Variants in PCDHGA1 observed in about 807,000 individuals in gnomAD.
PCDHGA1 encodes protocadherin gamma-A1.
In PCDHGA1, 32 loss-of-function variants were observed where a neutral mutation model predicts 58.0. The ratio of observed to expected loss-of-function variants is 0.55; its 90% confidence interval spans 0.42 to 0.74. The LOEUF (loss-of-function observed/expected upper bound fraction) is 0.74, where lower values mean the gene tolerates loss of function less well. Ranked by LOEUF, PCDHGA1 falls within the 30% of genes least tolerant of loss-of-function variation. The probability of loss-of-function intolerance (pLI) is 0.00; values close to 1 mark genes in which losing one functional copy is unlikely to be tolerated. For synonymous variants in PCDHGA1, 498 were observed against 501.1 expected (o/e 0.99, Z 0.08); for missense variants, 1,205 against 1,182.3 (o/e 1.02, Z -0.28).
chr5:141,420,004 G>C (rs768411058), intron 1 of PCDHGA1: 4 of 1,614,084 alleles, frequency 2.5e-6, no homozygotes, highest in Non-Finnish European at 3.4e-6. Flanking sequence ...CTCTACGCCT[G>C]CGACAGTCTT....
intron 1 of PCDHGA1, chr5:141,383,837 C>G: frequency 6.2e-7 from 1 of 1,613,886 alleles, no homozygotes; most frequent in Non-Finnish European, 8.5e-7. Flanking sequence ...GAAGAAACTG[C>G]CTTCTATGAA....
rs926009065 is a variant in PCDHGA1, at chr5:141,488,023, AG to A, written c.2422-6782del. ...TCAGATTCTGAAGTACCTTAACTCT[AG>A]GTTACCATTTCCCAAGGGATTGAGG... On this transcript the variant is annotated intron_variant, in intron 1 of 3. Transcript: ENST00000517417. 1.4e-3 allele frequency among the ~76,000 whole-genome samples: 213 copies of A among 152,260 alleles called. 1 individual carries two copies. The highest frequency in any genetic ancestry group is 5.0e-3 in the African/African-American group (208 of 41,542).
In PCDHGA1 at chr5:141,476,264, G is replaced by A. The variant is rs753184649; in HGVS notation, c.2422-18543G>A. The A allele has an allele frequency of 2.5e-6, 4 of 1,614,082 alleles. No individual in the cohort carries two copies. The highest frequency in any genetic ancestry group is 3.4e-6 in the Non-Finnish European group (4 of 1,180,010). Reference sequence around the variant, plus strand: ...AGAGAAGGGTTTCGCTGTGGGCAACGTGGTCGCGAACCTTGGTTTGGATCT... The same window carrying A: ...AGAGAAGGGTTTCGCTGTGGGCAACATGGTCGCGAACCTTGGTTTGGATCT... On this transcript the variant is annotated intron_variant, in intron 1 of 3. Coordinates refer to ENST00000517417, the MANE Select transcript of PCDHGA1 (RefSeq NM_018912.3). The surrounding 1 kb of genome is among the most constrained non-coding windows in gnomAD (Gnocchi z 7.6).
Position 141,477,201 on chromosome 5 carries a change from C to T in PCDHGA1, c.2422-17606C>T, listed in dbSNP as rs1269388368. 6.2e-7 allele frequency: 1 copy of T among 1,614,076 alleles called. No homozygotes were observed. Among genetic ancestry groups the T allele is most frequent in the Non-Finnish European group, 8.5e-7 (1 of 1,180,056 alleles). On this transcript the variant is annotated intron_variant, in intron 1 of 3. Transcript: ENST00000517417. The surrounding 1 kb of genome is among the most constrained non-coding windows in gnomAD (Gnocchi z 4.9). ...GTCACCTCCGTGTACAGCCCAGTAC[C>T]CGAGGATGCCCCTCTGGGGACTGTC... is the stretch of plus-strand genomic sequence containing the variant.
At chr5:141,471,444 A>G (rs1366430114) in intron 1 of PCDHGA1, 1 of 152,150 alleles carries the variant, frequency 6.6e-6, no homozygotes, top group Non-Finnish European at 1.5e-5. Context: ...AATCTCATGT[A>G]CCTTTTGAAA....
chr5:141,377,575 G>C (rs2150112851), intron 1 of PCDHGA1: 1 of 150,404 alleles, frequency 6.6e-6, no homozygotes, highest in African/African-American at 2.4e-5. Context: ...TAGCCTGGGA[G>C]ACAGAATGAG....
chr5:141,506,228 A>T (rs538354130), intron 3 of PCDHGA1, among the ~76,000 whole-genome samples: 1 of 152,266 alleles, frequency 6.6e-6, no homozygotes, highest in East Asian at 1.9e-4. Context: ...AGGCAGGAGG[A>T]TCATGAGGTC....
chr5:141,388,520 G>T, intron 1 of PCDHGA1: 1 of 1,613,822 alleles, frequency 6.2e-7, no homozygotes, highest in Admixed American at 1.7e-5. Flanking sequence ...ACTTGACTTT[G>T]ACTGCCTTGG....
intron 1 of PCDHGA1, chr5:141,339,500 C>G (rs146857860): frequency 2.5e-6 from 4 of 1,614,134 alleles, no homozygotes; most frequent in Admixed American, 1.7e-5. Flanking sequence ...CCCAAATGAC[C>G]ACTTCTCCCT....
chr5:141,475,572 C>T (rs2099365596), intron 1 of PCDHGA1, among the ~76,000 whole-genome samples: 1 of 152,214 alleles, frequency 6.6e-6, no homozygotes, highest in South Asian at 2.1e-4. Context: ...TTCCAACAAG[C>T]CAGATTTGTT....
intron 1 of PCDHGA1, among the ~76,000 whole-genome samples, chr5:141,426,098 A>T (rs144349682): frequency 6.6e-6 from 1 of 152,356 alleles, no homozygotes; most frequent in Non-Finnish European, 1.5e-5. Flanking sequence ...TATTCTGTTC[A>T]GTCACAGAAG....
At chr5:141,419,762 A>G in intron 1 of PCDHGA1, 1 of 1,614,008 alleles carries the variant, frequency 6.2e-7, no homozygotes, top group Non-Finnish European at 8.5e-7. Context: ...TTTGGGTGAC[A>G]AGGACTCGGT....
chr5:141,422,928 C>T lies in PCDHGA1; in HGVS notation c.2422-71879C>T, dbSNP rs781145334. 4 of 1,614,128 alleles carry T rather than the reference C, an allele frequency of 2.5e-6. No individual in the cohort carries two copies. In the African/African-American group the frequency reaches 4.0e-5, roughly 16 times the overall value. On this transcript the variant is annotated intron_variant, in intron 1 of 3. Transcript: ENST00000517417. ...ATGCGCCCGAGATCCTGTACCCTGC[C>T]CTCCCCACAGACGGCTCCACTGGCG...
intron 1 of PCDHGA1, among the ~76,000 whole-genome samples, chr5:141,433,690 A>G (rs951380027): frequency 2.0e-5 from 3 of 152,088 alleles, no homozygotes; most frequent in African/African-American, 7.2e-5. Flanking sequence ...ATACAAAATT[A>G]GCCGGGCGTG....
intron 1 of PCDHGA1, chr5:141,382,944 G>A (rs375823415): frequency 6.3e-7 from 1 of 1,596,888 alleles, no homozygotes; most frequent in Non-Finnish European, 8.6e-7. Flanking sequence ...GATTCTTCCT[G>A]CTCTCCATCC....
chr5:141,372,357 T>C (rs756040915), intron 1 of PCDHGA1: 19 of 1,613,806 alleles, frequency 1.2e-5, no homozygotes, highest in Non-Finnish European at 1.4e-5. Context: ...GCAGCCTCTT[T>C]CAGCCACCGT....
At chr5:141,345,290 CATT>C (rs781526788) in intron 1 of PCDHGA1, 2 of 1,613,974 alleles carry the variant, frequency 1.2e-6, no homozygotes, top group East Asian at 2.2e-5. Flanking sequence ...CAGAATATAA[CATT>C]AGTCTGAGAG....
Position 141,512,423 on chromosome 5 carries a change from T to C in PCDHGA1, c.*1250T>C, listed in dbSNP as rs2099884220. ...GATGGGGCTTCTTCAACAGGGCCCC[T>C]GCCCTCCTGAAGCCTCAGTCCTTCA... is the stretch of plus-strand genomic sequence containing the variant. On this transcript the variant is annotated 3_prime_UTR_variant, in exon 4 of 4. Transcript: ENST00000517417. 1 of 152,754 alleles carries C rather than the reference T, an allele frequency of 6.5e-6. No individual in the cohort carries two copies. The highest frequency in any genetic ancestry group is 6.5e-5 in the Admixed American group (1 of 15,274). The allele number at this position is 152,754 out of a possible 1,614,324, so 9.5% of individuals were successfully genotyped here.
At chr5:141,360,926 T>A in intron 1 of PCDHGA1, 1 of 1,613,986 alleles carries the variant, frequency 6.2e-7, no homozygotes, top group Non-Finnish European at 8.5e-7. Context: ...GTGCTTCAAG[T>A]GACAGCCACC....
Sources: gnomAD v4.1 joint callset for allele counts (sites outside exome capture counted in the v4.1 genomes callset) on GRCh38, gnomAD v4.1.1 for gene constraint, Gnocchi (gnomAD v3.1) non-coding constraint, MANE v1.5 for transcripts, NCBI Gene and HGNC (gene_info 2026-07-23, HGNC 2026-07-21) for gene names.